The following GLI3 variants were observed in gnomAD, a reference collection of about 807,000 sequenced individuals.
The protein encoded by GLI3 is transcription activator GLI3.
GLI3 carries 20 observed loss-of-function variants against 100.8 expected under a neutral mutation model. That is an observed-to-expected ratio of 0.20 (90% CI 0.14 to 0.29). The LOEUF (loss-of-function observed/expected upper bound fraction) is 0.29, where lower values mean the gene tolerates loss of function less well. GLI3 is among the 10% of genes least tolerant of loss of function. GLI3 has a pLI of 1.00. For synonymous variants in GLI3, 938 were observed against 860.5 expected (o/e 1.09, Z -1.58); for missense variants, 2,040 against 2,128.5 (o/e 0.96, Z 0.82).
chr7:42,013,400 A>AC (rs1462665692), intron 10 of GLI3, among the ~76,000 whole-genome samples: 8 of 148,800 alleles, frequency 5.4e-5, no homozygotes, highest in Admixed American at 5.4e-4. Context: ...GACACACCTT[A>AC]TTTTTTTTTT....
chr7:41,989,488 G>A (rs867799846), intron 10 of GLI3, among the ~76,000 whole-genome samples: 1 of 152,116 alleles, frequency 6.6e-6, no homozygotes, highest in East Asian at 1.9e-4. Flanking sequence ...CAACCTCTCC[G>A]AAGGATCAAA....
At chr7:42,227,135 T>C (rs1197507721) in intron 1 of GLI3, among the ~76,000 whole-genome samples, 1 of 152,228 alleles carries the variant, frequency 6.6e-6, no homozygotes, top group Non-Finnish European at 1.5e-5. Flanking sequence ...CCACTGTTTT[T>C]CAGATGTGAA....
At chr7:42,094,088 A>C (rs1318597340) in intron 3 of GLI3, among the ~76,000 whole-genome samples, 2 of 152,180 alleles carry the variant, frequency 1.3e-5, no homozygotes, top group Non-Finnish European at 2.9e-5. Context: ...AGGAAGTTTC[A>C]GGAAGGAGTC....
At chr7:42,130,375 CA>C (rs1786245429) in intron 3 of GLI3, among the ~76,000 whole-genome samples, 1 of 152,088 alleles carries the variant, frequency 6.6e-6, no homozygotes, top group South Asian at 2.1e-4. Flanking sequence ...TGAGAATGAC[CA>C]ATATCAACAA....
At chr7:41,991,379 A>G (rs1182306923) in intron 10 of GLI3, among the ~76,000 whole-genome samples, 1 of 152,152 alleles carries the variant, frequency 6.6e-6, no homozygotes, top group Admixed American at 6.5e-5. Context: ...CAACCTGTAG[A>G]AGTATCAACT....
Position 41,961,584 on chromosome 7 carries a change from ACAT to A in GLI3, c.*2743_*2745del, listed in dbSNP as rs1787013349. Reference sequence around the variant, plus strand: ...AATGGTTAGAAAACGTTTAACACAGACATTAAGCAGGAGTAGAATGTGTGAGCC... The same window carrying A: ...AATGGTTAGAAAACGTTTAACACAGATAAGCAGGAGTAGAATGTGTGAGCC... On this transcript the variant is annotated 3_prime_UTR_variant, in exon 15 of 15. Coordinates refer to ENST00000395925, the MANE Select transcript of GLI3 (RefSeq NM_000168.6). The A allele has an allele frequency of 6.6e-6, 1 of 152,290 alleles. No homozygotes were observed. The highest frequency in any genetic ancestry group is 1.5e-5 in the Non-Finnish European group (1 of 67,972). 9.4% of individuals were successfully genotyped at this position (152,290 alleles called of 1,614,324 possible). A position where few individuals can be genotyped will look rare whatever the true frequency, so the allele number is the denominator to read the frequency against.
At chr7:42,076,002 T>C (rs994891417) in intron 4 of GLI3, among the ~76,000 whole-genome samples, 1 of 152,236 alleles carries the variant, frequency 6.6e-6, no homozygotes, top group Non-Finnish European at 1.5e-5. Context: ...TTATTAGATA[T>C]GAATAAATGT....
chr7:42,069,152 G>T (rs1005580547), intron 4 of GLI3, among the ~76,000 whole-genome samples: 32 of 152,162 alleles, frequency 2.1e-4, no homozygotes, highest in African/African-American at 7.2e-4. Context: ...GCAGCACAAA[G>T]AACACAGGAA....
intron 4 of GLI3, among the ~76,000 whole-genome samples, chr7:42,056,014 T>G (rs1010643315): frequency 2.0e-5 from 3 of 152,122 alleles, no homozygotes; most frequent in Non-Finnish European, 4.4e-5. Context: ...GATGGTTTTA[T>G]AGAGGGGAGT....
intron 1 of GLI3, among the ~76,000 whole-genome samples, chr7:42,259,073 A>T (rs1789113743): frequency 6.6e-6 from 1 of 152,224 alleles, no homozygotes; most frequent in African/African-American, 2.4e-5. Context: ...TGTTAACATT[A>T]CAGATTGTCC....
chr7:42,176,373 C>T (rs1021038946), intron 2 of GLI3, among the ~76,000 whole-genome samples: 3 of 151,658 alleles, frequency 2.0e-5, no homozygotes, highest in Admixed American at 2.0e-4. Context: ...TGAAGTCCTT[C>T]ATGAAAACAG....
At chr7:42,196,026 C>G (rs377569129) in intron 2 of GLI3, among the ~76,000 whole-genome samples, 2 of 152,082 alleles carry the variant, frequency 1.3e-5, no homozygotes, top group African/African-American at 2.4e-5. Context: ...AGGTAAACAA[C>G]GTTAAACACA....
intron 3 of GLI3, among the ~76,000 whole-genome samples, chr7:42,133,693 T>C (rs1786352234): frequency 6.7e-6 from 1 of 148,572 alleles, no homozygotes; most frequent in Admixed American, 6.7e-5. Context: ...TGGTGGCTCA[T>C]TATGAGAGAA....
At chr7:42,053,127 C>T (rs1784385883) in intron 4 of GLI3, among the ~76,000 whole-genome samples, 1 of 152,180 alleles carries the variant, frequency 6.6e-6, no homozygotes, top group Admixed American at 6.5e-5. Context: ...TCCCGAGTAG[C>T]TGGGATTACA....
At chr7:42,052,376 T>C (rs1243185976) in intron 4 of GLI3, among the ~76,000 whole-genome samples, 1 of 152,200 alleles carries the variant, frequency 6.6e-6, no homozygotes, top group African/African-American at 2.4e-5. Context: ...AGGCACCTCC[T>C]TGGATTTTCC....
rs769606884 is a variant in GLI3 at position 42,045,390 on chromosome 7, T to A, written c.820A>T (p.Met274Leu). 17 of 1,613,610 alleles carry A rather than the reference T, an allele frequency of 1.1e-5. No individual in the cohort carries two copies. Among genetic ancestry groups the A allele is most frequent in the Admixed American group, 1.7e-5 (1 of 60,006 alleles). Residue 274 changes from methionine (M) to leucine (L), a missense_variant, in exon 6 of 15, where the codon ATG becomes TTG. By Grantham distance (15) the Met-to-Leu change is conservative. Coordinates refer to ENST00000395925, the MANE Select transcript of GLI3 (RefSeq NM_000168.6). ...GAIHMEYLHA[M>L]DSTRFSSPRL... The stretch of plus-strand genomic sequence containing the variant: ...AACCAGCCCCGTCACTTACTATCCA[T>A]AGCATGAAGATATTCCATGTGGATG...
intron 3 of GLI3, among the ~76,000 whole-genome samples, chr7:42,082,764 A>G (rs1446280659): frequency 6.6e-6 from 1 of 152,154 alleles, no homozygotes; most frequent in African/African-American, 2.4e-5. Context: ...ATGCCCTGAA[A>G]CTTTTTTTTT....
intron 1 of GLI3, among the ~76,000 whole-genome samples, chr7:42,224,435 A>G (rs1464302026): frequency 6.6e-6 from 1 of 152,200 alleles, no homozygotes; most frequent in Non-Finnish European, 1.5e-5. Flanking sequence ...TCTTCATTGT[A>G]TAATAAATTC....
intron 2 of GLI3, among the ~76,000 whole-genome samples, chr7:42,197,751 C>T (rs549464770): frequency 3.9e-5 from 6 of 152,280 alleles, no homozygotes; most frequent in African/African-American, 2.4e-5. Flanking sequence ...GGAGAGTCAG[C>T]GCCTGCTCAT....
Sources: gnomAD v4.1 joint callset for allele counts (sites outside exome capture counted in the v4.1 genomes callset) on GRCh38, gnomAD v4.1.1 for gene constraint, MANE v1.5 for transcripts, NCBI Gene and HGNC (gene_info 2026-07-23, HGNC 2026-07-21) for gene names.